The following GPT2 variants were observed in gnomAD, a reference collection of about 807,000 sequenced individuals.
The protein encoded by GPT2 is alanine aminotransferase 2.
In GPT2, 30 loss-of-function variants were observed where a neutral mutation model predicts 56.9. The observed-to-expected ratio is 0.53, with a 90% confidence interval of 0.39 to 0.72. GPT2 has a LOEUF of 0.72. Among genes scored for constraint, GPT2 ranks in the 30% least tolerant of loss-of-function variants. The pLI is 0.00. For missense variants in GPT2, 542 were observed against 703.4 expected (o/e 0.77, Z 2.60); for synonymous variants, 271 against 283.1 (o/e 0.96, Z 0.43).
intron 6 of GPT2, among the ~76,000 whole-genome samples, chr16:46,910,133 C>A (rs185709396): frequency 3.9e-5 from 6 of 152,224 alleles, no homozygotes; most frequent in Admixed American, 3.9e-4. Flanking sequence ...GTAATCCCAG[C>A]ACTTTGGGAG....
intron 6 of GPT2, among the ~76,000 whole-genome samples, chr16:46,911,293 A>AC (rs1294948626): frequency 6.6e-6 from 1 of 152,144 alleles, no homozygotes; most frequent in East Asian, 1.9e-4. Flanking sequence ...GACACAGGGA[A>AC]CAAGGGCTCC....
chr16:46,928,838 T>C (rs1961470598), intron 11 of GPT2, 69 bp from the exon 12 acceptor site: 7 of 1,187,786 alleles, frequency 5.9e-6, no homozygotes, highest in Non-Finnish European at 8.8e-6. Context: ...AGAGGCAGTT[T>C]AGCTGCTGGA....
At position 46,906,825 on chromosome 16, in the gene GPT2, T is replaced by C. The variant is rs1284106888; in HGVS notation, c.443-17T>C. Reference sequence around the variant, plus strand: ...AGACATCCTGCCTCTGTTACTGTCTTGCCTGCTGTCTTACAGGGTCCTACA... The same window carrying C: ...AGACATCCTGCCTCTGTTACTGTCTCGCCTGCTGTCTTACAGGGTCCTACA... On this transcript the variant is annotated splice_polypyrimidine_tract_variant and intron_variant, in intron 4 of 11. Coordinates refer to ENST00000340124, the MANE Select transcript of GPT2 (RefSeq NM_133443.4). 1.2e-6 allele frequency: 2 copies of C among 1,613,510 alleles called. No homozygotes were observed. The highest frequency in any genetic ancestry group is 3.3e-5 in the Admixed American group (2 of 60,008).
At chr16:46,918,973 G>A (rs189293832) in intron 8 of GPT2, among the ~76,000 whole-genome samples, 48 of 152,320 alleles carry the variant, frequency 3.2e-4, no homozygotes, top group Non-Finnish European at 5.9e-4. Flanking sequence ...GCCTGACAAC[G>A]GACAAATGGA....
intron 7 of GPT2, 46 bp downstream of exon 7, chr16:46,916,753 C>T (rs1961176104): frequency 7.5e-7 from 1 of 1,332,576 alleles, no homozygotes; most frequent in African/African-American, 1.4e-5. Flanking sequence ...GCTTTCTCTT[C>T]TAGAGGGAGG....
At chr16:46,889,270 T>C (rs935948652) in intron 2 of GPT2, among the ~76,000 whole-genome samples, 9 of 149,012 alleles carry the variant, frequency 6.0e-5, no homozygotes, top group African/African-American at 2.2e-4. Flanking sequence ...TTTTTTTTTT[T>C]TTAAAGAGAC....
chr16:46,887,734 C>G (rs779625460), intron 2 of GPT2, among the ~76,000 whole-genome samples: 3 of 152,140 alleles, frequency 2.0e-5, no homozygotes, highest in Non-Finnish European at 4.4e-5. Context: ...ACCAGGTGTT[C>G]TGCAAACAAT....
chr16:46,894,441 A>G (rs1221223843), intron 2 of GPT2, among the ~76,000 whole-genome samples: 1 of 152,212 alleles, frequency 6.6e-6, no homozygotes, highest in Non-Finnish European at 1.5e-5. Context: ...ACCCCATGCC[A>G]GGAGCCCAGG....
At chr16:46,885,197 G>A (rs1960460474) in intron 2 of GPT2, 1 of 1,261,804 alleles carries the variant, frequency 7.9e-7, no homozygotes, top group Admixed American at 4.1e-5. Context: ...GTCAATTGTT[G>A]AGCGGGCCGT....
chr16:46,917,768 A>G (rs951468834), intron 7 of GPT2, among the ~76,000 whole-genome samples: 1 of 152,164 alleles, frequency 6.6e-6, no homozygotes, highest in African/African-American at 2.4e-5. Flanking sequence ...GTACATAGAC[A>G]CACACACATA....
intron 4 of GPT2, among the ~76,000 whole-genome samples, chr16:46,904,671 T>G (rs1480184221): frequency 6.6e-6 from 1 of 152,062 alleles, no homozygotes; most frequent in Non-Finnish European, 1.5e-5. Flanking sequence ...GGCCTGGGTG[T>G]TCAGGGAAGT....
chr16:46,910,380 CAAAAAAAAAA>C (rs4039999), intron 6 of GPT2, among the ~76,000 whole-genome samples: 7 of 46,480 alleles, frequency 1.5e-4, no homozygotes, highest in African/African-American at 5.2e-4. Context: ...GACTCTGTCT[CAAAAAAAAAA>C]AAAAAAAAAA....
At position 46,884,924 on chromosome 16, in the gene GPT2, TC is replaced by T; in HGVS notation, c.210del (p.Lys71ArgfsTer42). On this transcript the variant is annotated frameshift_variant, in exon 2 of 12. Coordinates refer to ENST00000340124, the MANE Select transcript of GPT2 (RefSeq NM_133443.4). LOFTEE classifies it high-confidence loss of function. Reference sequence around the variant, plus strand: ...TACGCCGTGCGGGGACCCATCGTGCTCAAGGCCGGCGAGATCGAGCTCGAGC... The same window carrying T: ...TACGCCGTGCGGGGACCCATCGTGCTAAGGCCGGCGAGATCGAGCTCGAGC... ...VEYAVRGPIV[L>X]KAGEIELELQ... 1 of 1,533,888 alleles carries T rather than the reference TC, an allele frequency of 6.5e-7. No individual in the cohort carries two copies. Among genetic ancestry groups the T allele is most frequent in the Non-Finnish European group, 8.8e-7 (1 of 1,138,660 alleles).
intron 8 of GPT2, among the ~76,000 whole-genome samples, chr16:46,921,093 G>A (rs573837866): frequency 6.6e-6 from 1 of 152,162 alleles, no homozygotes; most frequent in Non-Finnish European, 1.5e-5. Flanking sequence ...ACCTTGAAAC[G>A]TCCAGTCCAG....
chr16:46,915,196 G>GC (rs1961119936), intron 6 of GPT2: 1 of 152,122 alleles, frequency 6.6e-6, no homozygotes, highest in African/African-American at 2.4e-5. Flanking sequence ...ACAGGCGTGA[G>GC]CCATTGTAGC....
intron 10 of GPT2, among the ~76,000 whole-genome samples, chr16:46,925,268 C>G (rs1347524665): frequency 6.6e-6 from 1 of 151,852 alleles, no homozygotes; most frequent in Non-Finnish European, 1.5e-5. Flanking sequence ...GTCGCCCAGG[C>G]TGGAGTGCAG....
In GPT2 at chr16:46,928,898, T is replaced by C. The variant is rs1038952548; in HGVS notation, c.1482-9T>C. ...GCAGCCAGGCTGACACTGTTGTCTC[T>C]CCTGCCAGGATGACTATCCTCCCTC... On this transcript the variant is annotated splice_polypyrimidine_tract_variant and intron_variant, in intron 11 of 11. Coordinates refer to ENST00000340124, the MANE Select transcript of GPT2 (RefSeq NM_133443.4). 1.2e-6 allele frequency: 2 copies of C among 1,609,736 alleles called. No individual in the cohort carries two copies. Among genetic ancestry groups the C allele is most frequent in the Admixed American group, 3.3e-5 (2 of 60,014 alleles).
chr16:46,928,907 G>C lies in GPT2; in HGVS notation c.1482G>C (p.Arg494Ser), dbSNP rs530215629. The C allele has an allele frequency of 3.7e-6, 6 of 1,612,844 alleles. No homozygotes were observed. Among genetic ancestry groups the C allele is most frequent in the Non-Finnish European group, 5.1e-6 (6 of 1,178,944 alleles). ...FGQREGTYHF[R>S]MTILPPVEKL... ...CTGACACTGTTGTCTCTCCTGCCAG[G>C]ATGACTATCCTCCCTCCAGTGGAGA... Residue 494 changes from arginine (R) to serine (S), a missense_variant and splice_region_variant, in exon 12 of 12, where the codon AGG becomes AGC. Transcript: ENST00000340124.
At chr16:46,892,421 T>C (rs1017496101) in intron 2 of GPT2, among the ~76,000 whole-genome samples, 3 of 152,168 alleles carry the variant, frequency 2.0e-5, no homozygotes, top group Non-Finnish European at 4.4e-5. Context: ...TTCAAGACAA[T>C]GATTTCATTT....
Sources: gnomAD v4.1 joint callset for allele counts (sites outside exome capture counted in the v4.1 genomes callset) on GRCh38, gnomAD v4.1.1 for gene constraint, MANE v1.5 for transcripts, NCBI Gene and HGNC (gene_info 2026-07-23, HGNC 2026-07-21) for gene names.